Variants in CACNA1A observed in about 807,000 individuals in gnomAD.
CACNA1A encodes voltage-dependent P/Q-type calcium channel subunit alpha-1A.
CACNA1A carries 57 observed loss-of-function variants against 262.4 expected under a neutral mutation model. The observed-to-expected ratio is 0.22, with a 90% CI of 0.18 to 0.27. The LOEUF (loss-of-function observed/expected upper bound fraction) is 0.27, where lower values mean the gene tolerates loss of function less well. Ranked by LOEUF, CACNA1A falls within the 10% of genes least tolerant of loss-of-function variation. The pLI, the probability that CACNA1A is intolerant of heterozygous loss-of-function variation, is 1.00. For synonymous variants in CACNA1A, 1,431 were observed against 1,419.3 expected, an observed-to-expected ratio of 1.01 and a Z score of -0.18; for missense variants, 2,526 against 3,562.8, an observed-to-expected ratio of 0.71 and a Z score of 7.41.
At chr19:13,325,975 G>A (rs575047458) in intron 10 of CACNA1A, among the ~76,000 whole-genome samples, 1 of 152,120 alleles carries the variant, frequency 6.6e-6, no homozygotes, top group African/African-American at 2.4e-5. Flanking sequence ...ACAGTCGCCA[G>A]GCTGTACAAA....
At chr19:13,305,467 C>T (rs919119938) in intron 15 of CACNA1A, among the ~76,000 whole-genome samples, 3 of 152,186 alleles carry the variant, frequency 2.0e-5, no homozygotes, top group Admixed American at 6.5e-5. Flanking sequence ...TATCCATATC[C>T]CCATGAGGAT....
intron 6 of CACNA1A, among the ~76,000 whole-genome samples, chr19:13,341,737 C>T (rs1347841277): frequency 1.3e-5 from 2 of 151,882 alleles, no homozygotes; most frequent in African/African-American, 4.8e-5. Flanking sequence ...ACAATTGCAC[C>T]CCTCATTTCT....
At chr19:13,323,063 G>C (rs2058287489) in intron 10 of CACNA1A, among the ~76,000 whole-genome samples, 1 of 152,136 alleles carries the variant, frequency 6.6e-6, no homozygotes, top group Non-Finnish European at 1.5e-5. Flanking sequence ...TTTGAGGTCA[G>C]GAATTCAAGA....
At chr19:13,220,185 T>C (rs779510592) in intron 38 of CACNA1A, among the ~76,000 whole-genome samples, 6 of 151,964 alleles carry the variant, frequency 3.9e-5, no homozygotes, top group Non-Finnish European at 8.8e-5. Flanking sequence ...TGCTTGAACC[T>C]GGGAGGCGGA....
chr19:13,334,353 G>C, intron 8 of CACNA1A, 25 bp downstream of exon 8: 4 of 1,201,934 alleles, frequency 3.3e-6, no homozygotes, highest in South Asian at 1.2e-5. Context: ...CTCCATCCCT[G>C]GGCCCCAGGA....
At chr19:13,255,318 C>T (rs928505668) in intron 28 of CACNA1A, 59 bp from the exon 29 acceptor site, 78 of 1,472,168 alleles carry the variant, frequency 5.3e-5, no homozygotes, top group Middle Eastern at 4.7e-4. Context: ...GGCTGTACAC[C>T]GGGCACCCTC....
rs371335015 is a variant in CACNA1A, at chr19:13,259,553, G to A, written c.4388+11C>T. On this transcript the variant is annotated intron_variant, in intron 27 of 46. Transcript: ENST00000360228. ...GCTCCTCCTGGATAGATTTCCAGTC[G>A]GGCCACTTACTGTGGCCAGCCTTCT... The A allele has an allele frequency of 1.3e-5, 21 of 1,596,340 alleles. No homozygotes were observed. Among genetic ancestry groups the A allele is most frequent in the Admixed American group, 8.6e-5 (5 of 57,810 alleles).
chr19:13,372,418 C>T (rs1390796688), intron 3 of CACNA1A, among the ~76,000 whole-genome samples: 1 of 152,112 alleles, frequency 6.6e-6, no homozygotes, highest in South Asian at 2.1e-4. Context: ...GTGATCCACC[C>T]GCCTCGGCCT....
At chr19:13,361,481 G>A (rs994175620) in intron 5 of CACNA1A, among the ~76,000 whole-genome samples, 1 of 152,180 alleles carries the variant, frequency 6.6e-6, no homozygotes, top group Non-Finnish European at 1.5e-5. Flanking sequence ...AAAGACGACC[G>A]TGGCATTGTC....
At chr19:13,225,156 GC>G (rs2055387934) in intron 37 of CACNA1A, 1 of 186,648 alleles carries the variant, frequency 5.4e-6, no homozygotes, top group Non-Finnish European at 1.1e-5. Flanking sequence ...GCATGCAACA[GC>G]CAAGGCTGAG....
At chr19:13,387,809 C>T (rs186700467) in intron 3 of CACNA1A, among the ~76,000 whole-genome samples, 3 of 152,182 alleles carry the variant, frequency 2.0e-5, no homozygotes, top group Non-Finnish European at 4.4e-5. Flanking sequence ...CAGTGAGCTA[C>T]GTCACTACAG....
At chr19:13,230,821 A>AAG (rs548134311) in intron 35 of CACNA1A, among the ~76,000 whole-genome samples, 2 of 151,278 alleles carry the variant, frequency 1.3e-5, no homozygotes, top group Admixed American at 6.6e-5. Flanking sequence ...AAAAAAAAAA[A>AAG]AGAGAGAGAG....
At chr19:13,461,025 A>G (rs991896315) in intron 1 of CACNA1A, among the ~76,000 whole-genome samples, 4 of 152,074 alleles carry the variant, frequency 2.6e-5, no homozygotes, top group African/African-American at 9.6e-5. Context: ...AGCATTCTCT[A>G]TATAGTAGAT....
chr19:13,216,141 T>G (rs2055002505), intron 38 of CACNA1A, among the ~76,000 whole-genome samples: 1 of 151,986 alleles, frequency 6.6e-6, no homozygotes, highest in Non-Finnish European at 1.5e-5. Context: ...GCCCTTGGCC[T>G]GCAGCCAGTC....
intron 24 of CACNA1A, among the ~76,000 whole-genome samples, chr19:13,263,745 T>C (rs1157772613): frequency 6.6e-6 from 1 of 152,090 alleles, no homozygotes; most frequent in African/African-American, 2.4e-5. Flanking sequence ...GGTCTTGAAC[T>C]CCTGACCTCA....
intron 31 of CACNA1A, among the ~76,000 whole-genome samples, chr19:13,243,090 C>T (rs2056124501): frequency 6.6e-6 from 1 of 152,194 alleles, no homozygotes; most frequent in African/African-American, 2.4e-5. Context: ...CCCAAAGGGA[C>T]ATTGGTTCAA....
chr19:13,258,291 G>C (rs2056628059), intron 27 of CACNA1A: 3 of 152,382 alleles, frequency 2.0e-5, no homozygotes, highest in Admixed American at 1.3e-4. Flanking sequence ...TGCATGTAGA[G>C]TGGGTATTTG....
intron 24 of CACNA1A, among the ~76,000 whole-genome samples, chr19:13,265,360 T>C (rs191342770): frequency 3.7e-4 from 57 of 152,358 alleles, no homozygotes; most frequent in African/African-American, 1.3e-3. Context: ...TGGGTCTCAG[T>C]ATCCAGTGCA....
chr19:13,235,574 T>C (rs745631425), intron 32 of CACNA1A, 40 bp downstream of exon 32: 8 of 1,385,438 alleles, frequency 5.8e-6, no homozygotes, highest in South Asian at 3.5e-5. Flanking sequence ...GGGTCACCTG[T>C]CTTCTCAGCC....
Sources: allele counts gnomAD v4.1 joint callset (sites outside exome capture counted in the v4.1 genomes callset), GRCh38; gene constraint gnomAD v4.1.1; transcripts MANE v1.5; gene names NCBI Gene and HGNC (gene_info 2026-07-23, HGNC 2026-07-21).